Variants in ACOXL observed in about 807,000 individuals in gnomAD.
The protein encoded by ACOXL is acyl-coenzyme A oxidase-like protein.
ACOXL carries 70 observed loss-of-function variants against 71.9 expected under a neutral mutation model. That is an observed-to-expected ratio of 0.97 (90% confidence interval 0.80 to 1.19). ACOXL has a LOEUF of 1.19. Ranked by LOEUF, ACOXL falls within the 50% of genes most tolerant of loss-of-function variation. The pLI is 0.00. For missense variants in ACOXL, 703 were observed against 736.3 expected (o/e 0.95, Z 0.52); for synonymous variants, 253 against 281.6 (o/e 0.90, Z 1.02).
chr2:110,945,949 T>TG (rs2061090244), intron 12 of ACOXL, among the ~76,000 whole-genome samples: 1 of 152,222 alleles, frequency 6.6e-6, no homozygotes, highest in Admixed American at 6.5e-5. Context: ...ATATGGCCAT[T>TG]TTAACACTAT....
At chr2:110,872,997 T>G (rs759418248) in intron 10 of ACOXL, among the ~76,000 whole-genome samples, 2 of 152,180 alleles carry the variant, frequency 1.3e-5, no homozygotes, top group Non-Finnish European at 2.9e-5. Flanking sequence ...GTGTAGCATT[T>G]CTATTTTGTT....
intron 17 of ACOXL, chr2:111,115,393 C>G (rs190508818): frequency 3.4e-4 from 51 of 151,972 alleles, no homozygotes; most frequent in Admixed American, 3.3e-3. Flanking sequence ...TTAAAGAGAT[C>G]ATATATTTTT....
In ACOXL at chr2:110,984,785, G is replaced by C. The variant is rs147250734; in HGVS notation, c.1060-2323G>C. ...GGAATTGGACGTATTGGATGAGATA[G>C]GGAGAACAGGAAGGGAATGTACTTA... is the stretch of plus-strand genomic sequence containing the variant. On this transcript the variant is annotated intron_variant, in intron 12 of 17. Coordinates refer to ENST00000439055, the MANE Select transcript of ACOXL (RefSeq NM_001142807.4). 4.0e-3 allele frequency among the ~76,000 whole-genome samples: 603 copies of C among 152,284 alleles called. 6 individuals are homozygous for C. The Middle Eastern group carries it at 0.051, about 13-fold the overall frequency.
At chr2:110,871,159 G>T (rs10208020) in intron 10 of ACOXL, among the ~76,000 whole-genome samples, 46,920 of 152,006 alleles carry the variant, frequency 0.31, 7,547 homozygotes, top group Non-Finnish European at 0.35. Flanking sequence ...GAGACGTTTT[G>T]CATTCCTGGA....
intron 11 of ACOXL, among the ~76,000 whole-genome samples, chr2:110,915,350 A>ATATATATATATATATATATGTGTG (rs1491355100): frequency 2.6e-5 from 3 of 113,626 alleles, no homozygotes; most frequent in Non-Finnish European, 3.7e-5. Context: ...ATATATATAT[A>ATATATATATATATATATATGTGTG]TGTGTGTGTG....
intron 10 of ACOXL, among the ~76,000 whole-genome samples, chr2:110,858,086 A>G (rs926860539): frequency 1.3e-5 from 2 of 152,208 alleles, no homozygotes; most frequent in Admixed American, 6.5e-5. Flanking sequence ...TGCTCTGGAC[A>G]TATATCGAGT....
At chr2:110,832,978 A>G (rs1445397695) in intron 9 of ACOXL, among the ~76,000 whole-genome samples, 1 of 152,234 alleles carries the variant, frequency 6.6e-6, no homozygotes, top group Non-Finnish European at 1.5e-5. Context: ...ATTTCTGGTG[A>G]GATCATCAAG....
intron 10 of ACOXL, among the ~76,000 whole-genome samples, chr2:110,859,818 A>G (rs571551938): frequency 6.6e-6 from 1 of 152,270 alleles, no homozygotes; most frequent in Admixed American, 6.5e-5. Context: ...GTGGCAACCA[A>G]GTTCCTGGCC....
chr2:111,006,208 T>G (rs190147857), intron 14 of ACOXL, among the ~76,000 whole-genome samples: 141 of 152,378 alleles, frequency 9.3e-4, no homozygotes, highest in African/African-American at 3.3e-3. Context: ...CATCGATGGC[T>G]GCCTGTGCAA....
intron 1 of ACOXL, among the ~76,000 whole-genome samples, chr2:110,740,278 A>G (rs1240780435): frequency 1.3e-5 from 2 of 152,236 alleles, no homozygotes; most frequent in Non-Finnish European, 2.9e-5. Flanking sequence ...TCCCAAGACT[A>G]TATCAGGCAA....
intron 1 of ACOXL, among the ~76,000 whole-genome samples, chr2:110,757,874 G>C (rs1679906794): frequency 6.6e-6 from 1 of 151,938 alleles, no homozygotes; most frequent in African/African-American, 2.4e-5. Context: ...TTCTTTTGCT[G>C]TCCAGGAGCT....
At chr2:110,919,469 A>G (rs541059672) in intron 11 of ACOXL, among the ~76,000 whole-genome samples, 2 of 152,282 alleles carry the variant, frequency 1.3e-5, no homozygotes, top group Non-Finnish European at 2.9e-5. Flanking sequence ...TGATGGGTTG[A>G]TGGGTGCAGC....
intron 16 of ACOXL, among the ~76,000 whole-genome samples, chr2:111,069,085 G>A (rs550587979): frequency 1.3e-5 from 2 of 151,252 alleles, no homozygotes; most frequent in South Asian, 2.1e-4. Context: ...CCGTCTTCTC[G>A]CTATGTCCTG....
At chr2:110,806,704 C>G (rs1686686701) in intron 9 of ACOXL, among the ~76,000 whole-genome samples, 1 of 152,288 alleles carries the variant, frequency 6.6e-6, no homozygotes, top group Admixed American at 6.5e-5. Context: ...ACTCAGGGGC[C>G]CTCTGAGGAG....
At chr2:110,979,555 G>A (rs1226042586) in intron 12 of ACOXL, among the ~76,000 whole-genome samples, 1 of 152,194 alleles carries the variant, frequency 6.6e-6, no homozygotes, top group African/African-American at 2.4e-5. Flanking sequence ...GGCCCCAGCT[G>A]CCTGCAGGAG....
chr2:111,066,233 A>T (rs988364683), intron 16 of ACOXL, among the ~76,000 whole-genome samples: 2 of 152,232 alleles, frequency 1.3e-5, no homozygotes, highest in Non-Finnish European at 2.9e-5. Context: ...ATACATTCAC[A>T]TGGGGAATCA....
At chr2:111,098,803 T>G (rs1053200537) in intron 17 of ACOXL, 6 of 152,132 alleles carry the variant, frequency 3.9e-5, no homozygotes, top group African/African-American at 1.4e-4. Flanking sequence ...GAGATAGCAA[T>G]CAGCCTAAAC....
At chr2:110,872,476 C>T (rs1013143169) in intron 10 of ACOXL, among the ~76,000 whole-genome samples, 1 of 152,184 alleles carries the variant, frequency 6.6e-6, no homozygotes, top group Admixed American at 6.5e-5. Context: ...GCCAGGTGTC[C>T]GTCTCCTGGG....
Position 110,794,122 on chromosome 2 carries a change from G to A in ACOXL, c.293G>A (p.Gly98Glu), listed in dbSNP as rs1463926906. ...TTTGCAATGACCGAGAGGGGCCATG[G>A]GAGCAACGCGAGAGGGATCCAGACC... ...GMFAMTERGH[G>E]SNARGIQTEA... The change falls in exon 5 of 18, where the codon GGG becomes GAG. Residue 98 changes from glycine to glutamate, a missense_variant. Physicochemically the swap from Gly to Glu is moderately conservative, Grantham distance 98. Coordinates refer to ENST00000439055, the MANE Select transcript of ACOXL (RefSeq NM_001142807.4). 2 of 1,614,018 alleles carry A rather than the reference G, an allele frequency of 1.2e-6. No individual in the cohort carries two copies. Among genetic ancestry groups the A allele is most frequent in the African/African-American group, 2.7e-5 (2 of 74,908 alleles).
Sources: gnomAD v4.1 joint callset for allele counts (sites outside exome capture counted in the v4.1 genomes callset) on GRCh38, gnomAD v4.1.1 for gene constraint, MANE v1.5 for transcripts, NCBI Gene and HGNC (gene_info 2026-07-23, HGNC 2026-07-21) for gene names.